CNTN5: variants seen among roughly 807,000 people sequenced by gnomAD.
CNTN5 encodes contactin 5.
CNTN5 carries 77 observed loss-of-function variants against 129.1 expected under a neutral mutation model. That is an observed-to-expected ratio of 0.60 (90% confidence interval 0.50 to 0.72). CNTN5 has a LOEUF of 0.72. CNTN5 is among the 30% of genes least tolerant of loss of function. The pLI, the probability that CNTN5 is intolerant of heterozygous loss-of-function variation, is 0.00. For synonymous variants in CNTN5, 509 were observed against 465.6 expected, an observed-to-expected ratio of 1.09 and a Z score of -1.20; for missense variants, 1,478 against 1,328.8, an observed-to-expected ratio of 1.11 and a Z score of -1.75.
At position 99,701,164 on chromosome 11, in the gene CNTN5, GTTC is replaced by G. The variant is rs199813692; in HGVS notation, c.56-118370_56-118368del. Among the ~76,000 whole-genome samples the G allele has an allele frequency of 5.2e-3, 791 of 151,232 alleles. 7 individuals carry two copies. The highest frequency in any genetic ancestry group is 0.018 in the African/African-American group (734 of 41,430). On this transcript the variant is annotated intron_variant, in intron 3 of 24. Transcript: ENST00000524871. The stretch of plus-strand genomic sequence containing the variant: ...ATATGGAAATCAAAAGCAAAGTCTT[GTTC>G]TTCTTCTTCAGTAGATACAAATAGA...
chr11:99,719,041 G>T (rs927306151), intron 3 of CNTN5, among the ~76,000 whole-genome samples: 1 of 152,068 alleles, frequency 6.6e-6, no homozygotes, highest in African/African-American at 2.4e-5. Context: ...AACAGAGAGC[G>T]GGTGTGGTGT....
At chr11:99,953,952 T>C (rs182501321) in intron 7 of CNTN5, among the ~76,000 whole-genome samples, 6 of 152,308 alleles carry the variant, frequency 3.9e-5, no homozygotes, top group Non-Finnish European at 7.4e-5. Flanking sequence ...TAGATTTTCT[T>C]CTAGGGTTTT....
intron 1 of CNTN5, among the ~76,000 whole-genome samples, chr11:99,068,673 A>C (rs1460208399): frequency 6.6e-6 from 1 of 152,156 alleles, no homozygotes; most frequent in East Asian, 1.9e-4. Flanking sequence ...AAGAAGTTAC[A>C]CAGTTAATTT....
intron 3 of CNTN5, among the ~76,000 whole-genome samples, chr11:99,688,331 T>A (rs1019241024): frequency 2.6e-5 from 4 of 152,124 alleles, no homozygotes; most frequent in Non-Finnish European, 5.9e-5. Flanking sequence ...TGTGAAGCCA[T>A]CATGCCCAGC....
intron 1 of CNTN5, among the ~76,000 whole-genome samples, chr11:99,225,868 T>C (rs1030457771): frequency 6.6e-6 from 1 of 152,182 alleles, no homozygotes; most frequent in African/African-American, 2.4e-5. Context: ...TCCAAATGGA[T>C]AAGGATGCAA....
intron 1 of CNTN5, among the ~76,000 whole-genome samples, chr11:99,261,628 T>G (rs940416986): frequency 6.6e-6 from 1 of 152,044 alleles, no homozygotes; most frequent in Non-Finnish European, 1.5e-5. Context: ...GATATTCCCT[T>G]GGGGTTGAGC....
At chr11:99,144,426 C>T (rs1311201615) in intron 1 of CNTN5, among the ~76,000 whole-genome samples, 1 of 152,158 alleles carries the variant, frequency 6.6e-6, no homozygotes, top group African/African-American at 2.4e-5. Context: ...TTCAAGAATG[C>T]AGCATCTCAG....
chr11:99,323,969 T>A (rs1865677220), intron 1 of CNTN5, among the ~76,000 whole-genome samples: 1 of 152,154 alleles, frequency 6.6e-6, no homozygotes, highest in South Asian at 2.1e-4. Flanking sequence ...AAAAGGAATC[T>A]ATAGTTCCTT....
chr11:99,715,005 G>C (rs952700), intron 3 of CNTN5, among the ~76,000 whole-genome samples: 1 of 151,646 alleles, frequency 6.6e-6, no homozygotes, highest in Non-Finnish European at 1.5e-5. Context: ...TTATGCCTTC[G>C]TTTTCTCATT....
chr11:99,737,076 C>T (rs987300819), intron 3 of CNTN5, among the ~76,000 whole-genome samples: 6 of 152,032 alleles, frequency 3.9e-5, no homozygotes, highest in Admixed American at 2.0e-4. Flanking sequence ...GTTTTGCCCT[C>T]TTTTTTTACT....
intron 2 of CNTN5, among the ~76,000 whole-genome samples, chr11:99,420,990 ATCT>A (rs928681992): frequency 3.3e-5 from 5 of 152,266 alleles, no homozygotes; most frequent in Middle Eastern, 3.4e-3. Flanking sequence ...TCTTTCAGGC[ATCT>A]TCTTCTCATT....
At chr11:99,160,899 C>G (rs531696088) in intron 1 of CNTN5, among the ~76,000 whole-genome samples, 1 of 152,272 alleles carries the variant, frequency 6.6e-6, no homozygotes, top group East Asian at 1.9e-4. Context: ...TGAATGAACT[C>G]TGATTGAATA....
intron 3 of CNTN5, among the ~76,000 whole-genome samples, chr11:99,709,728 G>T: frequency 6.6e-6 from 1 of 151,780 alleles, no homozygotes; most frequent in Middle Eastern, 3.4e-3. Context: ...AGTTTGAAAA[G>T]GATTCATTAA....
At chr11:99,575,758 T>G (rs1440868852) in intron 3 of CNTN5, among the ~76,000 whole-genome samples, 2 of 152,158 alleles carry the variant, frequency 1.3e-5, no homozygotes, top group Non-Finnish European at 2.9e-5. Flanking sequence ...TATTGATGGA[T>G]TCTAGCCAAT....
At chr11:99,151,616 AT>A (rs554856958) in intron 1 of CNTN5, among the ~76,000 whole-genome samples, 117 of 152,274 alleles carry the variant, frequency 7.7e-4, no homozygotes, top group African/African-American at 2.7e-3. Flanking sequence ...AGGTGTTATT[AT>A]TTTGAATTAT....
intron 1 of CNTN5, among the ~76,000 whole-genome samples, chr11:99,291,829 A>T (rs966392687): frequency 1.2e-4 from 19 of 152,072 alleles, no homozygotes; most frequent in African/African-American, 4.6e-4. Flanking sequence ...TTTTATTGAT[A>T]ATCTTCCACC....
intron 1 of CNTN5, among the ~76,000 whole-genome samples, chr11:99,060,000 T>C (rs1864808360): frequency 6.6e-6 from 1 of 152,100 alleles, no homozygotes; most frequent in South Asian, 2.1e-4. Context: ...ACATATTTAG[T>C]ATATATTGTT....
At chr11:99,989,417 A>ATT (rs1938904248) in intron 8 of CNTN5, among the ~76,000 whole-genome samples, 1 of 151,640 alleles carries the variant, frequency 6.6e-6, no homozygotes, top group Admixed American at 6.6e-5. Context: ...CCATATTCAC[A>ATT]CACGTCTTGG....
At chr11:99,211,694 T>C (rs1859801537) in intron 1 of CNTN5, among the ~76,000 whole-genome samples, 1 of 152,126 alleles carries the variant, frequency 6.6e-6, no homozygotes, top group Admixed American at 6.6e-5. Context: ...CCAGCAGATT[T>C]GTTTCATGTT....
Sources: allele counts gnomAD v4.1 joint callset (sites outside exome capture counted in the v4.1 genomes callset), GRCh38; gene constraint gnomAD v4.1.1; transcripts MANE v1.5; gene names NCBI Gene and HGNC (gene_info 2026-07-23, HGNC 2026-07-21).